The following WIPF3 variants were observed in gnomAD, a reference collection of about 807,000 sequenced individuals.
The protein encoded by WIPF3 is WAS/WASL interacting protein family member 3.
WIPF3 carries 33 observed loss-of-function variants against 38.9 expected under a neutral mutation model. That is an observed-to-expected ratio of 0.85 (90% CI 0.64 to 1.14). WIPF3 has a LOEUF of 1.14. Among genes scored for constraint, WIPF3 ranks in the 50% most tolerant of loss-of-function variants. The pLI is 0.00. For synonymous variants in WIPF3, 324 were observed against 269.3 expected, an observed-to-expected ratio of 1.20 and a Z score of -1.99; for missense variants, 711 against 652.5, an observed-to-expected ratio of 1.09 and a Z score of -0.98.
chr7:29,822,758 A>G (rs1322274013), intron 1 of WIPF3, among the ~76,000 whole-genome samples: 1 of 152,200 alleles, frequency 6.6e-6, no homozygotes, highest in Non-Finnish European at 1.5e-5. Context: ...AGTTACGGAG[A>G]TATAGTTTTA....
intron 4 of WIPF3, 50 bp from the exon 5 acceptor site, chr7:29,883,799 GC>G (rs1386260384): frequency 2.0e-6 from 3 of 1,508,196 alleles, no homozygotes; most frequent in Non-Finnish European, 2.7e-6. Context: ...ACCTGCGGGG[GC>G]TTTCTCCTTC....
At chr7:29,866,126 T>G (rs1181267693) in intron 2 of WIPF3, among the ~76,000 whole-genome samples, 2 of 152,056 alleles carry the variant, frequency 1.3e-5, no homozygotes, top group Non-Finnish European at 2.9e-5. Context: ...GCCACTGCAC[T>G]CCAGCCTGCG....
chr7:29,904,399 G>C, intron 8 of WIPF3, 37 bp downstream of exon 8: 1 of 1,598,596 alleles, frequency 6.3e-7, no homozygotes, highest in Non-Finnish European at 8.6e-7. Context: ...GTAAAACCAG[G>C]AATTCTCCTC....
chr7:29,890,867 T>G (rs1382158819), intron 7 of WIPF3, among the ~76,000 whole-genome samples: 4 of 142,208 alleles, frequency 2.8e-5, no homozygotes, highest in Non-Finnish European at 6.1e-5. Flanking sequence ...GGGCCTGCCC[T>G]GTGCTCAGGT....
chr7:29,836,982 C>G (rs1784814485), intron 2 of WIPF3, among the ~76,000 whole-genome samples: 1 of 151,628 alleles, frequency 6.6e-6, no homozygotes, highest in Non-Finnish European at 1.5e-5. Flanking sequence ...CAGAGTGAGA[C>G]TCTGTCTCAA....
chr7:29,884,011 G>GGCCCCCC lies in WIPF3; in HGVS notation c.517_518insGCCCCCC (p.Ala173GlyfsTer74). ...AGCCCCGCCTCGCCCCAACGTGCCT[G>GGCCCCCC]CCCCGCCCCCTCCCACCCCACCCCC... On this transcript the variant is annotated frameshift_variant, in exon 5 of 9. Coordinates refer to ENST00000242140, the MANE Select transcript of WIPF3 (RefSeq NM_001080529.3). LOFTEE classifies it high-confidence loss of function. 7.0e-7 allele frequency: 1 copy of GGCCCCCC among 1,430,662 alleles called. No homozygotes were observed. The highest frequency in any genetic ancestry group is 9.2e-7 in the Non-Finnish European group (1 of 1,084,356). The allele number at this position is 1,430,662 out of a possible 1,614,324, so 88.6% of individuals were successfully genotyped here.
intron 8 of WIPF3, among the ~76,000 whole-genome samples, chr7:29,908,451 G>A (rs1786441410): frequency 6.6e-6 from 1 of 152,070 alleles, no homozygotes; most frequent in African/African-American, 2.4e-5. Flanking sequence ...CCAGACAGGA[G>A]ATAAGGAAAG....
At chr7:29,862,116 C>T (rs1413291147) in intron 2 of WIPF3, among the ~76,000 whole-genome samples, 2 of 152,112 alleles carry the variant, frequency 1.3e-5, no homozygotes, top group African/African-American at 2.4e-5. Context: ...ATGGTGTCCA[C>T]GGGTCCCCTG....
chr7:29,839,505 T>C (rs373787436), intron 2 of WIPF3, among the ~76,000 whole-genome samples: 42 of 152,292 alleles, frequency 2.8e-4, no homozygotes, highest in East Asian at 2.5e-3. Context: ...AAGCCTCTGC[T>C]GGATACAAGG....
chr7:29,813,410 C>G (rs531089935), intron 1 of WIPF3, among the ~76,000 whole-genome samples: 3 of 152,130 alleles, frequency 2.0e-5, no homozygotes, highest in Non-Finnish European at 4.4e-5. Context: ...AGCTTCCTGC[C>G]ACAACCCCCA....
chr7:29,880,950 G>A (rs1785702531), intron 4 of WIPF3, among the ~76,000 whole-genome samples: 1 of 152,062 alleles, frequency 6.6e-6, no homozygotes, highest in African/African-American at 2.4e-5. Flanking sequence ...ACCTTTCTTG[G>A]TGGTTCATGC....
rs13247618 is a variant in WIPF3, at chr7:29,873,098, C to A, written c.91-2732C>A. ...TTTTAAGGACATGCAACGTTCTTCA[C>A]AGCCCTCACCTGAAATGCCTGGCCT... On this transcript the variant is annotated intron_variant, in intron 2 of 8. Coordinates refer to ENST00000242140, the MANE Select transcript of WIPF3 (RefSeq NM_001080529.3). 4.4e-3 allele frequency among the ~76,000 whole-genome samples: 664 copies of A among 152,314 alleles called. 5 individuals carry two copies. Among genetic ancestry groups the A allele is most frequent in the Non-Finnish European group, 6.6e-3 (452 of 68,036 alleles).
At chr7:29,830,886 T>A in intron 1 of WIPF3, among the ~76,000 whole-genome samples, 1 of 152,274 alleles carries the variant, frequency 6.6e-6, no homozygotes, top group South Asian at 2.1e-4. Context: ...TCCTTATTAC[T>A]TGCAGATTCT....
chr7:29,884,011 G>GCCCCCC lies in WIPF3; in HGVS notation c.521_522insCCCCCC (p.Pro176_Pro177dup). 7.0e-7 allele frequency: 1 copy of GCCCCCC among 1,430,664 alleles called. No individual in the cohort carries two copies. Among genetic ancestry groups the GCCCCCC allele is most frequent in the Non-Finnish European group, 9.2e-7 (1 of 1,084,356 alleles). The allele number at this position is 1,430,664 out of a possible 1,614,324, so 88.6% of individuals were successfully genotyped here. A position where few individuals can be genotyped will look rare whatever the true frequency, so the allele number is the denominator to read the frequency against. ...AGCCCCGCCTCGCCCCAACGTGCCT[G>GCCCCCC]CCCCGCCCCCTCCCACCCCACCCCC... On this transcript the variant is annotated inframe_insertion, in exon 5 of 9. Coordinates refer to ENST00000242140, the MANE Select transcript of WIPF3 (RefSeq NM_001080529.3).
In WIPF3 at chr7:29,889,304, A is replaced by G; in HGVS notation, c.1250-2A>G. ...AACTCTTTCCATTTCGCTTGTGTGC[A>G]GATGACTTCGAGTCTAAATTCACGT... On this transcript the variant is annotated splice_acceptor_variant, in intron 6 of 8. Transcript: ENST00000242140. LOFTEE classifies it high-confidence loss of function. 6.2e-7 allele frequency: 1 copy of G among 1,613,106 alleles called. No homozygotes were observed. Among genetic ancestry groups the G allele is most frequent in the Non-Finnish European group, 8.5e-7 (1 of 1,179,094 alleles).
At chr7:29,832,230 T>A (rs1000371372) in intron 1 of WIPF3, among the ~76,000 whole-genome samples, 4 of 152,188 alleles carry the variant, frequency 2.6e-5, no homozygotes, top group Non-Finnish European at 5.9e-5. Context: ...TGCCACTGAA[T>A]AAAAGATCAT....
chr7:29,842,953 G>T lies in WIPF3; in HGVS notation c.90+8139G>T, dbSNP rs145530241. Among the ~76,000 whole-genome samples, 9 of 152,308 alleles carry T rather than the reference G, an allele frequency of 5.9e-5. 1 individual carries two copies. The highest frequency in any genetic ancestry group is 1.9e-4 in the African/African-American group (8 of 41,566). ...ACTTCGATTAGTGTCACTAATGAGG[G>T]ACTGGGGACGCTTACCAGGAACTGA... On this transcript the variant is annotated intron_variant, in intron 2 of 8. Transcript: ENST00000242140.
rs187282632 is a variant in WIPF3, at chr7:29,907,695, G to A, written c.1428+3333G>A. Among the ~76,000 whole-genome samples the A allele has an allele frequency of 1.9e-3, 296 of 152,268 alleles. 1 individual carries two copies. The highest frequency in any genetic ancestry group is 3.6e-3 in the Non-Finnish European group (244 of 68,016). The stretch of plus-strand genomic sequence containing the variant: ...TTGAAGGCACCATCTAGCAGACAGC[G>A]AGCCCTCACAAGACACCATATCTGT... On this transcript the variant is annotated intron_variant, in intron 8 of 8. Coordinates refer to ENST00000242140, the MANE Select transcript of WIPF3 (RefSeq NM_001080529.3).
intron 2 of WIPF3, among the ~76,000 whole-genome samples, chr7:29,850,077 T>C (rs1785069196): frequency 6.6e-6 from 1 of 152,238 alleles, no homozygotes; most frequent in Admixed American, 6.5e-5. Context: ...TTTTGGGTCA[T>C]CAGAAACTAT....
Sources: gnomAD v4.1 joint callset for allele counts (sites outside exome capture counted in the v4.1 genomes callset) on GRCh38, gnomAD v4.1.1 for gene constraint, MANE v1.5 for transcripts, NCBI Gene and HGNC (gene_info 2026-07-23, HGNC 2026-07-21) for gene names.